The following IGSF9B variants were observed in gnomAD, a reference collection of about 807,000 sequenced individuals.
IGSF9B encodes the protein protein turtle homolog B.
In IGSF9B, 48 loss-of-function variants were observed where a neutral mutation model predicts 143.7. The ratio of observed to expected loss-of-function variants is 0.33; its 90% CI spans 0.26 to 0.42. The LOEUF (loss-of-function observed/expected upper bound fraction) is 0.42. Among genes scored for constraint, IGSF9B ranks in the 20% least tolerant of loss-of-function variants. The pLI is 1.00. For missense variants in IGSF9B, 1,706 were observed against 1,980.0 expected, an observed-to-expected ratio of 0.86 and a Z score of 2.63; for synonymous variants, 903 against 833.1, an observed-to-expected ratio of 1.08 and a Z score of -1.44.
At chr11:133,936,986 G>A (rs933980821) in intron 5 of IGSF9B, among the ~76,000 whole-genome samples, 7 of 152,226 alleles carry the variant, frequency 4.6e-5, no homozygotes, top group African/African-American at 1.2e-4. Context: ...AAATGTCTGG[G>A]GCTTGGATTG....
Position 133,936,050 on chromosome 11 carries a change from C to T in IGSF9B, c.821+3G>A, listed in dbSNP as rs1412248600. On this transcript the variant is annotated splice_donor_region_variant and intron_variant, in intron 6 of 19. Coordinates refer to ENST00000533871, the MANE Select transcript of IGSF9B (RefSeq NM_001277285.4). ...CATTGAAAAGTCAGAGCAGGGTGCT[C>T]ACTTCTGAAAGTAGACGTTCTCGTC... 5.0e-6 allele frequency: 8 copies of T among 1,613,128 alleles called. No individual in the cohort carries two copies. Among genetic ancestry groups the T allele is most frequent in the Admixed American group, 1.7e-5 (1 of 59,904 alleles).
Position 133,929,739 on chromosome 11 carries a change from G to A in IGSF9B, c.1563C>T (p.Ser521=), listed in dbSNP as rs1437668525. The change falls in exon 12 of 20, where the codon TCC becomes TCT. Residue 521 remains serine (S), a synonymous_variant. Coordinates refer to ENST00000533871, the MANE Select transcript of IGSF9B (RefSeq NM_001277285.4). ...CCCAGGACACGTTGGCAGTTGTCAT[G>A]GAGACCTGGACCCGGACACTGCCCG... ...HAPGSVRVQV[S]MTTANVSWEP... is the part of the protein sequence containing the mutation. 1 of 1,613,952 alleles carries A rather than the reference G, an allele frequency of 6.2e-7. No homozygotes were observed. The highest frequency in any genetic ancestry group is 8.5e-7 in the Non-Finnish European group (1 of 1,179,850).
chr11:133,937,984 G>A, intron 3 of IGSF9B, 23 bp from the exon 4 acceptor site: 1 of 1,611,520 alleles, frequency 6.2e-7, no homozygotes, highest in Non-Finnish European at 8.5e-7. Flanking sequence ...CCACAAAGAT[G>A]AAGGACACGC....
At position 133,944,344 on chromosome 11, in the gene IGSF9B, C is replaced by G. The variant is rs768340005; in HGVS notation, c.285G>C (p.Lys95Asn). The change falls in exon 3 of 20, where the codon AAG (lysine) becomes AAC (asparagine). Residue 95 changes from lysine to asparagine, a missense_variant. This residue lies in a region of IGSF9B where 171 missense variants were observed against 213.9 expected (regional missense o/e 0.80). Transcript: ENST00000533871. Reference sequence around the variant, plus strand: ...GAACTTGTTCCAGCCGCAGAGATGCCTTATCATGAAGACTGGCCCGGCCTG... The same window carrying G: ...GAACTTGTTCCAGCCGCAGAGATGCGTTATCATGAAGACTGGCCCGGCCTG... The part of the protein sequence containing the change: ...EYAGRASLHD[K>N]ASLRLEQVRS... 6.2e-7 allele frequency: 1 copy of G among 1,613,854 alleles called. No homozygotes were observed. The highest frequency in any genetic ancestry group is 8.5e-7 in the Non-Finnish European group (1 of 1,179,872).
At position 133,931,234 on chromosome 11, in the gene IGSF9B, C is replaced by T. The variant is rs1223810174; in HGVS notation, c.1369-100G>A. On this transcript the variant is annotated intron_variant, in intron 10 of 19. Coordinates refer to ENST00000533871, the MANE Select transcript of IGSF9B (RefSeq NM_001277285.4). This position sits in a 1 kb window ranked among gnomAD's most constrained non-coding sequence, Gnocchi z 7.7. ...AGGACGCGCCTGAGACCCCGGCCCG[C>T]CCACGCTGCCCTCCTCCCGAGTGCC... 6 of 1,217,384 alleles carry T rather than the reference C, an allele frequency of 4.9e-6. No individual in the cohort carries two copies. Among genetic ancestry groups the T allele is most frequent in the African/African-American group, 4.5e-5 (3 of 66,250 alleles). The allele number at this position is 1,217,384 out of a possible 1,614,324, so 75.4% of individuals were successfully genotyped here.
rs1940095180 is a variant in IGSF9B, at chr11:133,948,281, C to T, written c.65-2023G>A. Among the ~76,000 whole-genome samples the T allele has an allele frequency of 6.6e-6, 1 of 152,142 alleles. No individual in the cohort carries two copies. Among genetic ancestry groups the T allele is most frequent in the South Asian group, 2.1e-4 (1 of 4,824 alleles). On this transcript the variant is annotated intron_variant, in intron 1 of 19. Coordinates refer to ENST00000533871, the MANE Select transcript of IGSF9B (RefSeq NM_001277285.4). This position sits in a 1 kb window ranked among gnomAD's most constrained non-coding sequence, Gnocchi z 4.7. Reference sequence around the variant, plus strand: ...TTGCGGAAGAGGGAGGAGGCAAGCCCTTCCAGAAGCTGATTGGCTCCCGGT... The same window carrying T: ...TTGCGGAAGAGGGAGGAGGCAAGCCTTTCCAGAAGCTGATTGGCTCCCGGT...
Position 133,925,723 on chromosome 11 carries a change from A to G in IGSF9B, c.2034+16T>C, listed in dbSNP as rs773844044. On this transcript the variant is annotated intron_variant, in intron 14 of 19. Transcript: ENST00000533871. ...CGGATTTGGGAAGCAGCAGCAAGGA[A>G]GAGCAAAGCCCTCACCTGTGACAGA... 4 of 1,605,322 alleles carry G rather than the reference A, an allele frequency of 2.5e-6. No homozygotes were observed. Among genetic ancestry groups the G allele is most frequent in the Non-Finnish European group, 3.4e-6 (4 of 1,173,790 alleles).
chr11:133,936,415 C>T (rs1939824806), intron 5 of IGSF9B, among the ~76,000 whole-genome samples: 1 of 152,170 alleles, frequency 6.6e-6, no homozygotes, highest in South Asian at 2.1e-4. Context: ...CGCACACCCC[C>T]TTCCTGCCTG....
intron 6 of IGSF9B, 38 bp from the exon 7 acceptor site, chr11:133,935,800 G>C: frequency 6.3e-7 from 1 of 1,599,358 alleles, no homozygotes; most frequent in Non-Finnish European, 8.5e-7. Context: ...TGGGCGAGCA[G>C]AAGGGGATCT....
At chr11:133,919,694 G>C (rs1485243301) in intron 18 of IGSF9B, 48 bp downstream of exon 18, 1 of 1,214,804 alleles carries the variant, frequency 8.2e-7, no homozygotes, top group Non-Finnish European at 1.1e-6. Context: ...GGCGGGTGGG[G>C]GAAGGAAGTT....
chr11:133,916,064 G>A (rs1939374897), intron 18 of IGSF9B, among the ~76,000 whole-genome samples: 1 of 152,164 alleles, frequency 6.6e-6, no homozygotes, highest in Non-Finnish European at 1.5e-5. Context: ...CAGGACAGGG[G>A]CCACTCCATG....
In IGSF9B at chr11:133,946,040, G is replaced by A. The variant is rs370246180; in HGVS notation, c.262+21C>T. 23 of 1,508,070 alleles carry A rather than the reference G, an allele frequency of 1.5e-5. No homozygotes were observed. In the African/African-American group the frequency reaches 2.2e-4, roughly 14 times the overall value. 93.4% of individuals were successfully genotyped at this position (1,508,070 alleles called of 1,614,324 possible). On this transcript the variant is annotated intron_variant, in intron 2 of 19. Coordinates refer to ENST00000533871, the MANE Select transcript of IGSF9B (RefSeq NM_001277285.4). Reference sequence around the variant, plus strand: ...GACTCCAGCTGGGGAAGGTGCGGGAGACCGGGTGCCCAGACCTTACCTGCA... The same window carrying A: ...GACTCCAGCTGGGGAAGGTGCGGGAAACCGGGTGCCCAGACCTTACCTGCA...
At chr11:133,925,999 T>C in intron 13 of IGSF9B, 34 bp from the exon 14 acceptor site, 1 of 1,477,512 alleles carries the variant, frequency 6.8e-7, no homozygotes, top group Non-Finnish European at 9.3e-7. Flanking sequence ...CCACAGCGCA[T>C]CAGCGAGGCC....
chr11:133,925,882 G>A lies in IGSF9B; in HGVS notation c.1891C>T (p.Leu631Phe), dbSNP rs1363876985. ...LIANRTQQGV[L>F]LSWLPPANHS... ...TTGGCAGGCGGAAGCCAGGACAGGAGCACACCCTGCTGAGTCCGATTGGCT... is the reference window on the plus strand; with the variant it reads ...TTGGCAGGCGGAAGCCAGGACAGGAACACACCCTGCTGAGTCCGATTGGCT... Residue 631 changes from leucine (L) to phenylalanine (F), a missense_variant, in exon 14 of 20, where the codon CTC becomes TTC. Physicochemically the swap from Leu to Phe is conservative, Grantham distance 22 (BLOSUM62 0). This residue lies in a region of IGSF9B where 267 missense variants were observed against 321.1 expected (regional missense o/e 0.83). Coordinates refer to ENST00000533871, the MANE Select transcript of IGSF9B (RefSeq NM_001277285.4). 2.5e-6 allele frequency: 4 copies of A among 1,612,998 alleles called. No homozygotes were observed. Among genetic ancestry groups the A allele is most frequent in the Non-Finnish European group, 3.4e-6 (4 of 1,179,560 alleles).
chr11:133,910,692 G>A (rs1178464579), intron 19 of IGSF9B, among the ~76,000 whole-genome samples: 1 of 152,134 alleles, frequency 6.6e-6, no homozygotes, highest in African/African-American at 2.4e-5. Flanking sequence ...AAGGGACCTG[G>A]GCTAAAGACA....
In IGSF9B at chr11:133,919,924, G is replaced by A. The variant is rs1005488533; in HGVS notation, c.3801C>T (p.Pro1267=). 7 of 1,561,008 alleles carry A rather than the reference G, an allele frequency of 4.5e-6. No individual in the cohort carries two copies. Among genetic ancestry groups the A allele is most frequent in the Non-Finnish European group, 6.1e-6 (7 of 1,152,332 alleles). Residue 1267 remains proline, a synonymous_variant, in exon 18 of 20, where the codon CCC becomes CCT. Coordinates refer to ENST00000533871, the MANE Select transcript of IGSF9B (RefSeq NM_001277285.4). The part of the protein sequence containing the change: ...SPSQSSRSGS[P]SYRPAMGFTT... ...TGAAGCCCATGGCGGGCCGGTAGCT[G>A]GGACTCCCACTGCGGCTGCTCTGGG...
chr11:133,931,176 G>T lies in IGSF9B; in HGVS notation c.1369-42C>A. 1 of 1,589,264 alleles carries T rather than the reference G, an allele frequency of 6.3e-7. No individual in the cohort carries two copies. Among genetic ancestry groups the T allele is most frequent in the East Asian group, 2.3e-5 (1 of 44,442 alleles). ...CAGGGAAGAGGGTGGGAACAGAAAT[G>T]GGGGTTAGGAGAGAAGCCCGAAGCA... On this transcript the variant is annotated intron_variant, in intron 10 of 19. Coordinates refer to ENST00000533871, the MANE Select transcript of IGSF9B (RefSeq NM_001277285.4). This position sits in a 1 kb window ranked among gnomAD's most constrained non-coding sequence, Gnocchi z 7.7.
rs1939168855 is a variant in IGSF9B at position 133,903,294 on chromosome 11, G to A, written c.*5775C>T. Reference sequence around the variant, plus strand: ...ATTCACGTCCCCATCTAGTGTGATGGGAATGGTGACAACCAAGGACCAGTG... The same window carrying A: ...ATTCACGTCCCCATCTAGTGTGATGAGAATGGTGACAACCAAGGACCAGTG... On this transcript the variant is annotated 3_prime_UTR_variant, in exon 20 of 20. Transcript: ENST00000533871. 6.6e-6 allele frequency among the ~76,000 whole-genome samples: 1 copy of A among 152,066 alleles called. No individual in the cohort carries two copies. Among genetic ancestry groups the A allele is most frequent in the Non-Finnish European group, 1.5e-5 (1 of 68,022 alleles).
chr11:133,955,924 C>A (rs1483020579), intron 1 of IGSF9B, among the ~76,000 whole-genome samples: 1 of 152,206 alleles, frequency 6.6e-6, no homozygotes, highest in East Asian at 1.9e-4. Flanking sequence ...CCGCCCCCAG[C>A]CAGCTCTGCC....
Sources: gnomAD v4.1 joint callset for allele counts (sites outside exome capture counted in the v4.1 genomes callset) on GRCh38, gnomAD v4.1.1 for gene constraint, gnomAD v4.1.1 regional missense constraint, Gnocchi (gnomAD v3.1) non-coding constraint, MANE v1.5 for transcripts, NCBI Gene and HGNC (gene_info 2026-07-23, HGNC 2026-07-21) for gene names.